HPSE2: variants seen among roughly 807,000 people sequenced by gnomAD.
HPSE2 encodes heparanase 2 (inactive).
A neutral mutation model predicts 60.5 loss-of-function variants in HPSE2; 38 were observed. The ratio of observed to expected loss-of-function variants is 0.63; its 90% CI spans 0.48 to 0.82. The LOEUF (loss-of-function observed/expected upper bound fraction) is 0.82, where lower values mean the gene tolerates loss of function less well. HPSE2 is among the 40% of genes least tolerant of loss of function. The probability of loss-of-function intolerance (pLI) is 0.00; values close to 1 mark genes in which losing one functional copy is unlikely to be tolerated. For missense variants in HPSE2, 713 were observed against 740.4 expected, an observed-to-expected ratio of 0.96 and a Z score of 0.43; for synonymous variants, 295 against 293.2, an observed-to-expected ratio of 1.01 and a Z score of -0.06.
intron 3 of HPSE2, among the ~76,000 whole-genome samples, chr10:98,939,479 C>T (rs1489025079): frequency 7.0e-6 from 1 of 143,346 alleles, no homozygotes; most frequent in Non-Finnish European, 1.5e-5. Flanking sequence ...TCAAAAGAGA[C>T]AAAGAAGGCC....
intron 2 of HPSE2, among the ~76,000 whole-genome samples, chr10:99,220,940 G>T (rs113112125): frequency 0.02 from 2,915 of 147,674 alleles, 103 homozygotes; most frequent in East Asian, 0.15. Context: ...CACCTCCGAG[G>T]TTCAAGCGAT....
chr10:99,101,285 T>C (rs1037275113), intron 3 of HPSE2, among the ~76,000 whole-genome samples: 5 of 152,028 alleles, frequency 3.3e-5, no homozygotes, highest in African/African-American at 1.2e-4. Context: ...AATAAAGGGA[T>C]GGAGGAAGAT....
chr10:98,960,127 G>A (rs1955613822), intron 3 of HPSE2, among the ~76,000 whole-genome samples: 1 of 152,052 alleles, frequency 6.6e-6, no homozygotes, highest in Non-Finnish European at 1.5e-5. Flanking sequence ...AGTGGTTAAG[G>A]GATGCCATGA....
chr10:99,079,071 T>C (rs1843042380), intron 3 of HPSE2, among the ~76,000 whole-genome samples: 1 of 152,090 alleles, frequency 6.6e-6, no homozygotes, highest in Non-Finnish European at 1.5e-5. Context: ...TTTTTGCCCA[T>C]TTGTTCCGTA....
chr10:99,019,868 T>C (rs1202431117), intron 3 of HPSE2, among the ~76,000 whole-genome samples: 1 of 151,886 alleles, frequency 6.6e-6, no homozygotes, highest in Non-Finnish European at 1.5e-5. Context: ...TGCACCACCA[T>C]GCCTGGCTAA....
chr10:99,134,113 A>T (rs1206214224), intron 3 of HPSE2, among the ~76,000 whole-genome samples: 2 of 152,356 alleles, frequency 1.3e-5, no homozygotes, highest in Non-Finnish European at 2.9e-5. Context: ...CAAGCGAAAG[A>T]AAGGGTATCA....
At chr10:99,232,539 C>G in intron 1 of HPSE2, 34 bp from the exon 2 acceptor site, 1 of 1,549,294 alleles carries the variant, frequency 6.5e-7, no homozygotes, top group Non-Finnish European at 8.7e-7. Context: ...GGAAAGGTTC[C>G]CAGGACAGGA....
At chr10:98,837,741 G>A (rs968402784) in intron 3 of HPSE2, among the ~76,000 whole-genome samples, 4 of 152,134 alleles carry the variant, frequency 2.6e-5, no homozygotes, top group Non-Finnish European at 5.9e-5. Context: ...GGGCGTGGTG[G>A]CGGGCGCCTG....
intron 9 of HPSE2, among the ~76,000 whole-genome samples, chr10:98,591,377 T>C (rs1264252561): frequency 6.6e-6 from 1 of 152,178 alleles, no homozygotes; most frequent in African/African-American, 2.4e-5. Flanking sequence ...AAGATCAGGA[T>C]ATTGGCCAGG....
intron 3 of HPSE2, among the ~76,000 whole-genome samples, chr10:99,143,930 G>C (rs956977815): frequency 6.6e-6 from 1 of 152,090 alleles, no homozygotes; most frequent in African/African-American, 2.4e-5. Context: ...GAGGAAAATA[G>C]CTGCTTCTTA....
Position 98,857,803 on chromosome 10 carries a change from C to G in HPSE2, c.611-113747G>C, listed in dbSNP as rs1353953301. Among the ~76,000 whole-genome samples, 3 of 152,128 alleles carry G rather than the reference C, an allele frequency of 2.0e-5. No individual in the cohort carries two copies. In the East Asian group the frequency reaches 5.8e-4, roughly 29 times the overall value. On this transcript the variant is annotated intron_variant, in intron 3 of 11. Coordinates refer to ENST00000370552, the MANE Select transcript of HPSE2 (RefSeq NM_021828.5). ...TATCCATTATCTGAAACAGGGAATA[C>G]AGAGTAGAATATTTACATTTGTAAG...
chr10:99,163,531 A>C (rs1184051644), intron 2 of HPSE2, among the ~76,000 whole-genome samples: 1 of 152,190 alleles, frequency 6.6e-6, no homozygotes, highest in Non-Finnish European at 1.5e-5. Flanking sequence ...ATGAATAAAA[A>C]ACATACATTG....
At chr10:98,553,616 TCCA>T (rs1943922303) in intron 9 of HPSE2, among the ~76,000 whole-genome samples, 1 of 152,202 alleles carries the variant, frequency 6.6e-6, no homozygotes, top group Admixed American at 6.5e-5. Flanking sequence ...CATCCTTCTC[TCCA>T]CCATTTCTGA....
At chr10:98,792,657 C>T (rs1950682380) in intron 3 of HPSE2, among the ~76,000 whole-genome samples, 1 of 134,156 alleles carries the variant, frequency 7.5e-6, no homozygotes, top group African/African-American at 2.7e-5. Context: ...AAAAAAAAAA[C>T]ACGAAGAATG....
At chr10:98,720,179 A>G (rs1161198772) in intron 5 of HPSE2, among the ~76,000 whole-genome samples, 1 of 152,148 alleles carries the variant, frequency 6.6e-6, no homozygotes, top group Non-Finnish European at 1.5e-5. Flanking sequence ...AGAAATCAGA[A>G]ATTACAGTAC....
chr10:98,924,811 T>C (rs1398609562), intron 3 of HPSE2, among the ~76,000 whole-genome samples: 1 of 152,200 alleles, frequency 6.6e-6, no homozygotes, highest in Non-Finnish European at 1.5e-5. Flanking sequence ...CTTTGTGTCC[T>C]AGACTGTCTT....
intron 9 of HPSE2, among the ~76,000 whole-genome samples, chr10:98,517,613 C>T (rs1012175695): frequency 4.6e-5 from 7 of 152,024 alleles, no homozygotes; most frequent in Non-Finnish European, 8.8e-5. Context: ...ACTTTTTTTC[C>T]ATTCACCCAG....
At chr10:98,524,442 G>A (rs1942899017) in intron 9 of HPSE2, among the ~76,000 whole-genome samples, 1 of 111,550 alleles carries the variant, frequency 9.0e-6, no homozygotes, top group South Asian at 3.8e-4. Flanking sequence ...TTTCACCCCA[G>A]AACTTTTTTT....
chr10:99,204,082 G>A (rs1385527580), intron 2 of HPSE2, among the ~76,000 whole-genome samples: 1 of 152,106 alleles, frequency 6.6e-6, no homozygotes, highest in Admixed American at 6.6e-5. Flanking sequence ...CCAGCACATT[G>A]TCAGCCCCTG....
Sources: allele counts gnomAD v4.1 joint callset (sites outside exome capture counted in the v4.1 genomes callset), GRCh38; gene constraint gnomAD v4.1.1; transcripts MANE v1.5; gene names NCBI Gene and HGNC (gene_info 2026-07-23, HGNC 2026-07-21).